BTRC: variants seen among roughly 807,000 people sequenced by gnomAD.
BTRC encodes the protein F-box/WD repeat-containing protein 1A.
A neutral mutation model predicts 85.5 loss-of-function variants in BTRC; 42 were observed. That is an observed-to-expected ratio of 0.49 (90% CI 0.38 to 0.64). The LOEUF (loss-of-function observed/expected upper bound fraction) is 0.64, where lower values mean the gene tolerates loss of function less well. BTRC is among the 30% of genes least tolerant of loss of function. The probability of loss-of-function intolerance (pLI) is 0.00; values close to 1 mark genes in which losing one functional copy is unlikely to be tolerated. For synonymous variants in BTRC, 255 were observed against 263.3 expected, an observed-to-expected ratio of 0.97 and a Z score of 0.30; for missense variants, 594 against 743.5, an observed-to-expected ratio of 0.80 and a Z score of 2.34.
At chr10:101,487,174 G>A (rs1464024388) in intron 4 of BTRC, among the ~76,000 whole-genome samples, 1 of 152,222 alleles carries the variant, frequency 6.6e-6, no homozygotes, top group African/African-American at 2.4e-5. Context: ...ACAGAATAGG[G>A]TTTCTTGTTA....
At position 101,415,011 on chromosome 10, in the gene BTRC, CAG is replaced by C. The variant is rs572503735; in HGVS notation, c.49-15331_49-15330del. ...ATAAATTTAGTCTAGCCTAAGTGCA[CAG>C]AGTTTATTGGCCATCTTAACCATTA... On this transcript the variant is annotated intron_variant, in intron 1 of 14. Coordinates refer to ENST00000370187, the MANE Select transcript of BTRC (RefSeq NM_033637.4). 1.5e-3 allele frequency among the ~76,000 whole-genome samples: 224 copies of C among 146,700 alleles called. 2 individuals are homozygous for C. Among genetic ancestry groups the C allele is most frequent in the Non-Finnish European group, 1.8e-3 (124 of 67,646 alleles).
intron 4 of BTRC, among the ~76,000 whole-genome samples, chr10:101,515,024 C>T (rs1269893449): frequency 6.6e-6 from 1 of 151,900 alleles, no homozygotes; most frequent in Non-Finnish European, 1.5e-5. Flanking sequence ...GGCACGATCT[C>T]GGCTCACTGC....
intron 2 of BTRC, among the ~76,000 whole-genome samples, chr10:101,433,918 A>G (rs1008670200): frequency 6.6e-6 from 1 of 152,152 alleles, no homozygotes; most frequent in African/African-American, 2.4e-5. Flanking sequence ...TATATGGCTT[A>G]TATCTATTGA....
chr10:101,457,606 G>A (rs1464814826), intron 2 of BTRC, among the ~76,000 whole-genome samples: 2 of 152,124 alleles, frequency 1.3e-5, no homozygotes, highest in Admixed American at 6.6e-5. Flanking sequence ...ATTACTCAAG[G>A]ACTACAAACA....
intron 1 of BTRC, among the ~76,000 whole-genome samples, chr10:101,420,931 G>A (rs1269628729): frequency 6.6e-6 from 1 of 151,070 alleles, no homozygotes; most frequent in Non-Finnish European, 1.5e-5. Context: ...ATAGAAGTCA[G>A]TTACTCCCAC....
intron 2 of BTRC, among the ~76,000 whole-genome samples, chr10:101,436,814 G>A (rs527438218): frequency 6.6e-6 from 1 of 152,166 alleles, no homozygotes; most frequent in South Asian, 2.1e-4. Flanking sequence ...GAGAGATGTT[G>A]TATTTTATTC....
At chr10:101,416,828 T>C (rs1943958710) in intron 1 of BTRC, among the ~76,000 whole-genome samples, 1 of 152,192 alleles carries the variant, frequency 6.6e-6, no homozygotes, top group Admixed American at 6.5e-5. Flanking sequence ...CTCTCTCTCA[T>C]GGCTTCCATT....
chr10:101,354,238 C>A lies in BTRC; in HGVS notation c.48+10C>A, dbSNP rs767532729. Reference sequence around the variant, plus strand: ...GGCACTCAAGTTTATGGTGAGGAGACGGTGGAGGCCGGGGAACGGTGGAGG... The same window carrying A: ...GGCACTCAAGTTTATGGTGAGGAGAAGGTGGAGGCCGGGGAACGGTGGAGG... On this transcript the variant is annotated intron_variant, in intron 1 of 14. Transcript: ENST00000370187. 1.7e-5 allele frequency: 26 copies of A among 1,548,388 alleles called. No homozygotes were observed. The African/African-American group carries it at 3.0e-4, about 18-fold the overall frequency.
At position 101,384,378 on chromosome 10, in the gene BTRC, A is replaced by T. The variant is rs144569142; in HGVS notation, c.48+30150A>T. ...TATTTCTTTCCGAATAAAAAGTTTAATTTCACGCCCTGATTAGTGCCAGTA... is the reference window on the plus strand; with the variant it reads ...TATTTCTTTCCGAATAAAAAGTTTATTTTCACGCCCTGATTAGTGCCAGTA... On this transcript the variant is annotated intron_variant, in intron 1 of 14. Coordinates refer to ENST00000370187, the MANE Select transcript of BTRC (RefSeq NM_033637.4). 2.0e-5 allele frequency among the ~76,000 whole-genome samples: 3 copies of T among 152,316 alleles called. No homozygotes were observed. The East Asian group carries it at 5.8e-4, about 29-fold the overall frequency.
intron 7 of BTRC, 51 bp downstream of exon 7, chr10:101,531,384 C>A: frequency 7.4e-7 from 1 of 1,349,356 alleles, no homozygotes; most frequent in Non-Finnish European, 1.1e-6. Flanking sequence ...GAATTATCAG[C>A]ATTCTTCAGT....
At chr10:101,378,468 A>T (rs547035903) in intron 1 of BTRC, among the ~76,000 whole-genome samples, 1 of 151,176 alleles carries the variant, frequency 6.6e-6, no homozygotes, top group East Asian at 1.9e-4. Flanking sequence ...TAGTCATGTC[A>T]GTACTTTATT....
intron 2 of BTRC, among the ~76,000 whole-genome samples, chr10:101,445,049 G>A (rs186716366): frequency 5.9e-5 from 9 of 152,262 alleles, no homozygotes; most frequent in East Asian, 5.8e-4. Context: ...GTAGAAACTC[G>A]ATATGTTAGG....
intron 2 of BTRC, among the ~76,000 whole-genome samples, chr10:101,451,344 AT>A (rs1944950572): frequency 6.6e-6 from 1 of 151,712 alleles, no homozygotes; most frequent in Admixed American, 6.6e-5. Context: ...TCTCATTCTT[AT>A]TTTTTTCTGT....
chr10:101,529,473 G>C (rs1178172177), intron 6 of BTRC, among the ~76,000 whole-genome samples: 2 of 152,080 alleles, frequency 1.3e-5, no homozygotes, highest in Admixed American at 6.5e-5. Context: ...GAATGTGGGT[G>C]GGCTCAGGAG....
intron 4 of BTRC, among the ~76,000 whole-genome samples, chr10:101,485,927 G>A (rs1370164386): frequency 1.3e-5 from 2 of 152,186 alleles, no homozygotes; most frequent in African/African-American, 2.4e-5. Flanking sequence ...CGGATCACCC[G>A]CACAGAGAGA....
intron 2 of BTRC, among the ~76,000 whole-genome samples, chr10:101,445,960 T>A (rs1944812126): frequency 6.6e-6 from 1 of 152,196 alleles, no homozygotes; most frequent in African/African-American, 2.4e-5. Context: ...TGGAGAATAC[T>A]GAATAGGAAT....
chr10:101,418,621 CT>C (rs143127569), intron 1 of BTRC, among the ~76,000 whole-genome samples: 22 of 150,602 alleles, frequency 1.5e-4, no homozygotes, highest in African/African-American at 4.1e-4. Context: ...CTCACATCTG[CT>C]TTTTTTTTGC....
At chr10:101,520,257 C>T in intron 4 of BTRC, among the ~76,000 whole-genome samples, 1 of 151,984 alleles carries the variant, frequency 6.6e-6, no homozygotes, top group Admixed American at 6.6e-5. Flanking sequence ...GATTCTCCTG[C>T]CTCAGCCTCC....
intron 1 of BTRC, among the ~76,000 whole-genome samples, chr10:101,390,791 C>A (rs903066739): frequency 4.6e-5 from 7 of 151,864 alleles, no homozygotes; most frequent in African/African-American, 1.7e-4. Context: ...GAAAGAAAAA[C>A]AACAACTTTT....
Sources: gnomAD v4.1 joint callset for allele counts (sites outside exome capture counted in the v4.1 genomes callset) on GRCh38, gnomAD v4.1.1 for gene constraint, MANE v1.5 for transcripts, NCBI Gene and HGNC (gene_info 2026-07-23, HGNC 2026-07-21) for gene names.